RERE: variants seen among roughly 807,000 people sequenced by gnomAD.
RERE encodes arginine-glutamic acid dipeptide repeats.
RERE carries 40 observed loss-of-function variants against 146.1 expected under a neutral mutation model. The ratio of observed to expected loss-of-function variants is 0.27; its 90% CI spans 0.21 to 0.36. The LOEUF (loss-of-function observed/expected upper bound fraction) is 0.36. Ranked by LOEUF, RERE falls within the 10% of genes least tolerant of loss-of-function variation. The probability of loss-of-function intolerance (pLI) is 1.00; values close to 1 mark genes in which losing one functional copy is unlikely to be tolerated. For synonymous variants in RERE, 1,003 were observed against 866.0 expected (o/e 1.16, Z -2.78); for missense variants, 1,933 against 2,138.7 (o/e 0.90, Z 1.90).
At chr1:8,779,555 C>T (rs1032356672) in intron 1 of RERE, among the ~76,000 whole-genome samples, 1 of 151,616 alleles carries the variant, frequency 6.6e-6, no homozygotes, top group East Asian at 2.0e-4. Flanking sequence ...CCTAGCTACT[C>T]GGGAGGCTGA....
intron 4 of RERE, among the ~76,000 whole-genome samples, chr1:8,570,484 T>G (rs116454371): frequency 0.012 from 1,766 of 152,044 alleles, 28 homozygotes; most frequent in African/African-American, 0.041. Context: ...AGGAAATGAG[T>G]AACACTTTTA....
intron 1 of RERE, among the ~76,000 whole-genome samples, chr1:8,729,365 C>CTT (rs1640037678): frequency 2.0e-5 from 3 of 151,366 alleles, no homozygotes; most frequent in African/African-American, 7.3e-5. Context: ...GCTGGGACTA[C>CTT]AGGCACGTGC....
intron 12 of RERE, among the ~76,000 whole-genome samples, chr1:8,419,874 A>AT (rs1643872021): frequency 6.6e-6 from 1 of 152,114 alleles, no homozygotes. Context: ...CAGGCATTTT[A>AT]TAACGACCAC....
intron 2 of RERE, among the ~76,000 whole-genome samples, chr1:8,642,783 A>G (rs927953540): frequency 1.3e-5 from 2 of 152,190 alleles, no homozygotes; most frequent in Non-Finnish European, 2.9e-5. Flanking sequence ...ATTTCTGCAT[A>G]TAAATATCAA....
At chr1:8,677,236 C>A (rs1638860223) in intron 1 of RERE, among the ~76,000 whole-genome samples, 1 of 152,032 alleles carries the variant, frequency 6.6e-6, no homozygotes, top group Admixed American at 6.6e-5. Context: ...TCGAGACCAG[C>A]CTGGCCAACA....
intron 1 of RERE, among the ~76,000 whole-genome samples, chr1:8,810,005 G>T (rs1297191941): frequency 1.3e-5 from 2 of 152,046 alleles, no homozygotes; most frequent in African/African-American, 4.8e-5. Context: ...TGTTGTTGTT[G>T]TTGTTGTTGT....
In RERE at chr1:8,665,842, G is replaced by C. The variant is rs1638559365; in HGVS notation, c.-144-9401C>G. Among the ~76,000 whole-genome samples the C allele has an allele frequency of 2.0e-5, 3 of 152,244 alleles. No homozygotes were observed. The South Asian group carries it at 6.2e-4, about 32-fold the overall frequency. The stretch of plus-strand genomic sequence containing the variant: ...TATGATCCAAACTGGATACATCTGA[G>C]AGAGAAAAAAGACACAACAAATAAC... On this transcript the variant is annotated intron_variant, in intron 1 of 22. Transcript: ENST00000400908.
chr1:8,710,341 A>G (rs975075101), intron 1 of RERE, among the ~76,000 whole-genome samples: 2 of 152,256 alleles, frequency 1.3e-5, no homozygotes, highest in Non-Finnish European at 2.9e-5. Flanking sequence ...AAAAATAACT[A>G]GAAATAACAT....
intron 1 of RERE, among the ~76,000 whole-genome samples, chr1:8,773,343 T>C (rs1016374897): frequency 6.6e-6 from 1 of 152,188 alleles, no homozygotes; most frequent in Non-Finnish European, 1.5e-5. Context: ...TTATATTAAA[T>C]CATAACCAGA....
chr1:8,658,451 G>C (rs1010527081), intron 1 of RERE, among the ~76,000 whole-genome samples: 1 of 152,148 alleles, frequency 6.6e-6, no homozygotes, highest in Admixed American at 6.5e-5. Flanking sequence ...ACATGCTTCA[G>C]ATGCAGAGAA....
At chr1:8,481,456 C>T (rs1272560529) in intron 10 of RERE, among the ~76,000 whole-genome samples, 2 of 152,128 alleles carry the variant, frequency 1.3e-5, no homozygotes, top group Non-Finnish European at 2.9e-5. Flanking sequence ...AGGTACTGGC[C>T]TCAATTTAAA....
chr1:8,478,623 G>A (rs1644791748), intron 10 of RERE, among the ~76,000 whole-genome samples: 1 of 152,204 alleles, frequency 6.6e-6, no homozygotes, highest in Non-Finnish European at 1.5e-5. Context: ...GGACAACACA[G>A]GTTGTCAGAG....
chr1:8,704,891 T>TA (rs1260786464), intron 1 of RERE, among the ~76,000 whole-genome samples: 1 of 152,212 alleles, frequency 6.6e-6, no homozygotes, highest in African/African-American at 2.4e-5. Flanking sequence ...CTAGCTCTGC[T>TA]ATAAGCTCCA....
At chr1:8,474,127 T>C (rs1469483772) in intron 10 of RERE, among the ~76,000 whole-genome samples, 1 of 152,268 alleles carries the variant, frequency 6.6e-6, no homozygotes, top group African/African-American at 2.4e-5. Flanking sequence ...ATAAGTGCTT[T>C]ACTGGCAAGC....
At chr1:8,593,764 G>C (rs1043292387) in intron 4 of RERE, among the ~76,000 whole-genome samples, 53 of 152,178 alleles carry the variant, frequency 3.5e-4, no homozygotes, top group Admixed American at 1.3e-4. Flanking sequence ...TCATCTCCTG[G>C]TGGACTGGTA....
At chr1:8,416,382 G>A (rs553132989) in intron 12 of RERE, among the ~76,000 whole-genome samples, 34 of 152,120 alleles carry the variant, frequency 2.2e-4, no homozygotes, top group Non-Finnish European at 3.8e-4. Context: ...TCAGGAGATC[G>A]AGACCATCCT....
At chr1:8,583,382 G>C (rs925262935) in intron 4 of RERE, among the ~76,000 whole-genome samples, 1 of 152,172 alleles carries the variant, frequency 6.6e-6, no homozygotes, top group African/African-American at 2.4e-5. Flanking sequence ...GCATCTGCAC[G>C]AGAGAAAACA....
intron 4 of RERE, among the ~76,000 whole-genome samples, chr1:8,607,903 T>C (rs1191626491): frequency 6.6e-6 from 1 of 152,048 alleles, no homozygotes; most frequent in African/African-American, 2.4e-5. Context: ...TTTTTGTATT[T>C]TTAGTAGAGA....
In RERE at chr1:8,502,949, T is replaced by G. The variant is rs539952893; in HGVS notation, c.880-5420A>C. Among the ~76,000 whole-genome samples the G allele has an allele frequency of 2.1e-4, 31 of 150,948 alleles. No individual in the cohort carries two copies. In the South Asian group the frequency reaches 3.6e-3, roughly 17 times the overall value. On this transcript the variant is annotated intron_variant, in intron 8 of 22. Transcript: ENST00000400908. ...TTAAGTACCCAGGGACACAAACACT[T>G]CGGAAGGCCGCAGGGTCCTCTGCCT...
Sources: gnomAD v4.1 joint callset for allele counts (sites outside exome capture counted in the v4.1 genomes callset) on GRCh38, gnomAD v4.1.1 for gene constraint, MANE v1.5 for transcripts, NCBI Gene and HGNC (gene_info 2026-07-23, HGNC 2026-07-21) for gene names.